MKLN1: variants seen among roughly 807,000 people sequenced by gnomAD.
MKLN1 encodes the protein muskelin.
MKLN1 carries 18 observed loss-of-function variants against 99.0 expected under a neutral mutation model. That is an observed-to-expected ratio of 0.18 (90% CI 0.13 to 0.27). MKLN1 has a LOEUF of 0.27. MKLN1 is among the 10% of genes least tolerant of loss of function. The pLI is 1.00. For missense variants in MKLN1, 621 were observed against 875.9 expected, an observed-to-expected ratio of 0.71 and a Z score of 3.67; for synonymous variants, 288 against 293.2, an observed-to-expected ratio of 0.98 and a Z score of 0.18.
At chr7:131,329,345 C>T (rs1798999220) in intron 1 of MKLN1, among the ~76,000 whole-genome samples, 1 of 152,188 alleles carries the variant, frequency 6.6e-6, no homozygotes, top group Admixed American at 6.5e-5. Flanking sequence ...ATCTGGCCTG[C>T]GTAGCCTATT....
At chr7:131,263,350 TAATAA>T (rs1563271484) in intron 3 of MKLN1, among the ~76,000 whole-genome samples, 1 of 127,530 alleles carries the variant, frequency 7.8e-6, no homozygotes, top group African/African-American at 3.0e-5. Context: ...CAATTATTAA[TAATAA>T]TAATAATAAT....
chr7:131,246,061 AG>A (rs1345951259), intron 3 of MKLN1, among the ~76,000 whole-genome samples: 1 of 152,114 alleles, frequency 6.6e-6, no homozygotes, highest in African/African-American at 2.4e-5. Context: ...ACACCTGGGG[AG>A]GGGGCCCAAG....
chr7:131,130,355 T>C (rs1795530747), intron 1 of MKLN1, among the ~76,000 whole-genome samples: 2 of 152,196 alleles, frequency 1.3e-5, no homozygotes, highest in South Asian at 4.1e-4. Flanking sequence ...GGAAAGAAAG[T>C]TGGTATCAAC....
intron 3 of MKLN1, among the ~76,000 whole-genome samples, chr7:131,294,324 C>T (rs1798260544): frequency 6.6e-6 from 1 of 152,134 alleles, no homozygotes; most frequent in South Asian, 2.1e-4. Flanking sequence ...AACTTACTTT[C>T]TAATGCTTCA....
At chr7:131,363,503 CT>C (rs1157882269) in intron 1 of MKLN1, among the ~76,000 whole-genome samples, 1 of 152,028 alleles carries the variant, frequency 6.6e-6, no homozygotes, top group Non-Finnish European at 1.5e-5. Flanking sequence ...CTACAGTCCT[CT>C]TAGAGTGTAG....
At chr7:131,225,815 T>C (rs1297863169) in intron 3 of MKLN1, among the ~76,000 whole-genome samples, 1 of 152,186 alleles carries the variant, frequency 6.6e-6, no homozygotes, top group African/African-American at 2.4e-5. Context: ...ACTGGGTGTG[T>C]CTGCTCCAGG....
chr7:131,252,329 C>CTTTTTTTTTT (rs60581249), intron 3 of MKLN1, among the ~76,000 whole-genome samples: 16 of 118,524 alleles, frequency 1.3e-4, no homozygotes, highest in South Asian at 3.0e-4. Flanking sequence ...TTTTTCTTTT[C>CTTTTTTTTTT]TTTTTTTTTT....
At chr7:131,255,139 CATT>C (rs1223432227) in intron 3 of MKLN1, among the ~76,000 whole-genome samples, 1 of 152,126 alleles carries the variant, frequency 6.6e-6, no homozygotes, top group Non-Finnish European at 1.5e-5. Context: ...GACAGGGTCT[CATT>C]ATGTTTCCCA....
At chr7:131,404,440 GAGT>G (rs1428703143) in intron 6 of MKLN1, among the ~76,000 whole-genome samples, 2 of 151,726 alleles carry the variant, frequency 1.3e-5, no homozygotes, top group African/African-American at 4.8e-5. Context: ...CCTGCCTCCT[GAGT>G]AGCCTGGACT....
intron 3 of MKLN1, among the ~76,000 whole-genome samples, chr7:131,254,977 A>G (rs1180739199): frequency 6.6e-6 from 1 of 152,018 alleles, no homozygotes; most frequent in Middle Eastern, 3.2e-3. Context: ...CTGCAGCCAT[A>G]ACCTCCTGGG....
intron 5 of MKLN1, among the ~76,000 whole-genome samples, chr7:131,398,982 C>T (rs1209270077): frequency 6.6e-6 from 1 of 152,102 alleles, no homozygotes; most frequent in East Asian, 1.9e-4. Context: ...AAAGTTGAGG[C>T]TCTGGAATTA....
At chr7:131,197,920 T>C (rs1489918338) in intron 2 of MKLN1, among the ~76,000 whole-genome samples, 2 of 152,086 alleles carry the variant, frequency 1.3e-5, no homozygotes, top group Non-Finnish European at 2.9e-5. Flanking sequence ...CTGCAACCTC[T>C]GCCTCCCAGG....
chr7:131,322,511 C>T (rs1798798492), intron 3 of MKLN1, among the ~76,000 whole-genome samples: 1 of 149,860 alleles, frequency 6.7e-6, no homozygotes, highest in Non-Finnish European at 1.5e-5. Flanking sequence ...GCACCTTCTT[C>T]ACAAGGCAGT....
At chr7:131,280,620 T>G (rs1213141655) in intron 3 of MKLN1, among the ~76,000 whole-genome samples, 2 of 151,586 alleles carry the variant, frequency 1.3e-5, no homozygotes, top group African/African-American at 4.8e-5. Flanking sequence ...TTTATTTAAA[T>G]TATTCATCCA....
intron 1 of MKLN1, among the ~76,000 whole-genome samples, chr7:131,355,687 A>G (rs1355472070): frequency 7.0e-6 from 1 of 142,876 alleles, no homozygotes; most frequent in Non-Finnish European, 1.5e-5. Flanking sequence ...TTTTTTTTAA[A>G]CAGGTCTCTT....
chr7:131,425,460 C>G (rs540290374), intron 8 of MKLN1, among the ~76,000 whole-genome samples: 2 of 152,146 alleles, frequency 1.3e-5, no homozygotes, highest in Non-Finnish European at 2.9e-5. Flanking sequence ...TTAGTCTGCC[C>G]TGCGTTATGT....
intron 9 of MKLN1, among the ~76,000 whole-genome samples, chr7:131,431,230 A>C (rs1170454416): frequency 2.0e-5 from 3 of 148,640 alleles, no homozygotes; most frequent in African/African-American, 7.3e-5. Context: ...TCAAAAAAAA[A>C]CAAAAAAAAA....
chr7:131,170,075 A>G (rs1182401020), intron 2 of MKLN1, among the ~76,000 whole-genome samples: 1 of 152,116 alleles, frequency 6.6e-6, no homozygotes, highest in Non-Finnish European at 1.5e-5. Context: ...AACACAGCAG[A>G]CCCTATCTTT....
At chr7:131,322,063 T>C (rs1798788647) in intron 3 of MKLN1, among the ~76,000 whole-genome samples, 1 of 152,244 alleles carries the variant, frequency 6.6e-6, no homozygotes, top group African/African-American at 2.4e-5. Context: ...ATTAGCTCCC[T>C]GGCTAGGAAT....
Sources: allele counts gnomAD v4.1 joint callset (sites outside exome capture counted in the v4.1 genomes callset), GRCh38; gene constraint gnomAD v4.1.1; transcripts MANE v1.5; gene names NCBI Gene and HGNC (gene_info 2026-07-23, HGNC 2026-07-21).